The following EHBP1 variants were observed in gnomAD, a reference collection of about 807,000 sequenced individuals.
EHBP1 encodes the protein EH domain binding protein 1.
In EHBP1, 55 loss-of-function variants were observed where a neutral mutation model predicts 144.0. The ratio of observed to expected loss-of-function variants is 0.38; its 90% CI spans 0.31 to 0.48. The LOEUF (loss-of-function observed/expected upper bound fraction) is 0.48, where lower values mean the gene tolerates loss of function less well. Among genes scored for constraint, EHBP1 ranks in the 20% least tolerant of loss-of-function variants. EHBP1 has a pLI of 0.98. For synonymous variants in EHBP1, 469 were observed against 472.7 expected (o/e 0.99, Z 0.10); for missense variants, 1,200 against 1,364.2 (o/e 0.88, Z 1.90).
intron 10 of EHBP1, among the ~76,000 whole-genome samples, chr2:62,936,014 C>T (rs2056363205): frequency 6.6e-6 from 1 of 151,992 alleles, no homozygotes; most frequent in Non-Finnish European, 1.5e-5. Flanking sequence ...ACGTGTTATC[C>T]TTTTTTAATA....
At chr2:62,717,800 G>C (rs1381903956) in intron 2 of EHBP1, among the ~76,000 whole-genome samples, 1 of 152,092 alleles carries the variant, frequency 6.6e-6, no homozygotes, top group East Asian at 1.9e-4. Flanking sequence ...GAGTTTGTCA[G>C]CCTAAGAATT....
chr2:62,837,152 C>T (rs930375059), intron 7 of EHBP1, among the ~76,000 whole-genome samples: 2 of 146,788 alleles, frequency 1.4e-5, no homozygotes, highest in South Asian at 2.3e-4. Context: ...CGGCAGAAAC[C>T]CTACAAGCCA....
chr2:62,865,045 C>A (rs2049932356), intron 9 of EHBP1, 74 bp downstream of exon 9: 2 of 1,482,696 alleles, frequency 1.3e-6, no homozygotes, highest in South Asian at 1.3e-5. Flanking sequence ...TGTAATGTAC[C>A]TTTAGATGGG....
intron 14 of EHBP1, among the ~76,000 whole-genome samples, chr2:62,958,848 G>T (rs796509334): frequency 6.6e-6 from 1 of 152,080 alleles, no homozygotes; most frequent in Non-Finnish European, 1.5e-5. Context: ...AAATGGAAGG[G>T]CATATTATGT....
chr2:62,837,393 A>T (rs1367601454), intron 7 of EHBP1, among the ~76,000 whole-genome samples: 1 of 149,654 alleles, frequency 6.7e-6, no homozygotes, highest in African/African-American at 2.4e-5. Flanking sequence ...TCATGCCAAA[A>T]TGTAAAGACC....
chr2:62,907,124 T>G (rs985041450), intron 10 of EHBP1, among the ~76,000 whole-genome samples: 2 of 152,210 alleles, frequency 1.3e-5, no homozygotes, highest in Non-Finnish European at 2.9e-5. Flanking sequence ...TTTGTGTGAT[T>G]AAAAGTTTTC....
intron 7 of EHBP1, among the ~76,000 whole-genome samples, chr2:62,843,223 T>G (rs1229397950): frequency 6.6e-6 from 1 of 152,178 alleles, no homozygotes; most frequent in South Asian, 2.1e-4. Flanking sequence ...CTGAAACATA[T>G]TAGGAATTGA....
At chr2:62,790,112 A>G (rs1212227299) in intron 5 of EHBP1, among the ~76,000 whole-genome samples, 1 of 152,212 alleles carries the variant, frequency 6.6e-6, no homozygotes, top group Admixed American at 6.6e-5. Flanking sequence ...AGCAGCATGC[A>G]TTCTTGATGA....
intron 10 of EHBP1, among the ~76,000 whole-genome samples, chr2:62,890,053 T>C (rs1177542193): frequency 6.6e-6 from 1 of 150,996 alleles, no homozygotes; most frequent in Non-Finnish European, 1.5e-5. Context: ...CCTCCGCCTC[T>C]GGGTTCAAGT....
At chr2:62,755,001 C>A (rs940594272) in intron 3 of EHBP1, among the ~76,000 whole-genome samples, 1 of 152,184 alleles carries the variant, frequency 6.6e-6, no homozygotes, top group Non-Finnish European at 1.5e-5. Context: ...TGTCCTGCAC[C>A]CACTGTCCGA....
At chr2:62,902,522 A>T (rs1360574423) in intron 10 of EHBP1, among the ~76,000 whole-genome samples, 1 of 152,160 alleles carries the variant, frequency 6.6e-6, no homozygotes, top group African/African-American at 2.4e-5. Flanking sequence ...TGCTTGAAAA[A>T]AATATATACA....
At chr2:62,812,270 C>T (rs1209960697) in intron 5 of EHBP1, among the ~76,000 whole-genome samples, 7 of 152,042 alleles carry the variant, frequency 4.6e-5, no homozygotes, top group Non-Finnish European at 1.0e-4. Context: ...CTCTGATACT[C>T]TTGTTACAGC....
At chr2:62,763,045 A>T (rs963075126) in intron 3 of EHBP1, among the ~76,000 whole-genome samples, 1 of 151,992 alleles carries the variant, frequency 6.6e-6, no homozygotes, top group African/African-American at 2.4e-5. Context: ...GAGCCTCAGC[A>T]CCTTTCCAGT....
intron 7 of EHBP1, among the ~76,000 whole-genome samples, chr2:62,851,691 T>C (rs1293655878): frequency 6.6e-6 from 1 of 152,200 alleles, no homozygotes; most frequent in East Asian, 1.9e-4. Context: ...TTTTATGATT[T>C]GTGCTAACAT....
intron 17 of EHBP1, 89 bp downstream of exon 17, chr2:62,993,757 TA>T: frequency 2.9e-5 from 21 of 736,604 alleles, no homozygotes; most frequent in Non-Finnish European, 3.9e-5. Context: ...TATATATATA[TA>T]GCATATATAT....
At chr2:62,984,238 G>T (rs1175483939) in intron 15 of EHBP1, among the ~76,000 whole-genome samples, 4 of 151,954 alleles carry the variant, frequency 2.6e-5, no homozygotes, top group African/African-American at 9.7e-5. Flanking sequence ...TTTTTTAACT[G>T]TCACCAGATA....
chr2:62,832,693 C>G (rs1163760542), intron 7 of EHBP1, among the ~76,000 whole-genome samples: 2 of 152,066 alleles, frequency 1.3e-5, no homozygotes, highest in Non-Finnish European at 2.9e-5. Context: ...ATGAATTGCA[C>G]CCATTTAAGA....
intron 19 of EHBP1, among the ~76,000 whole-genome samples, chr2:62,998,123 A>ATGTT (rs2059714040): frequency 6.6e-6 from 1 of 152,210 alleles, no homozygotes; most frequent in African/African-American, 2.4e-5. Flanking sequence ...AAGGTCAAAC[A>ATGTT]GATCACCACA....
chr2:62,888,502 G>A (rs1429337598), intron 10 of EHBP1, among the ~76,000 whole-genome samples: 4 of 152,312 alleles, frequency 2.6e-5, no homozygotes, highest in African/African-American at 9.6e-5. Flanking sequence ...TAAAGTGCCT[G>A]TCACAGTTTT....
Sources: gnomAD v4.1 joint callset for allele counts (sites outside exome capture counted in the v4.1 genomes callset) on GRCh38, gnomAD v4.1.1 for gene constraint, MANE v1.5 for transcripts, NCBI Gene and HGNC (gene_info 2026-07-23, HGNC 2026-07-21) for gene names.